Variants in ARB2A observed in about 807,000 individuals in gnomAD.
The protein encoded by ARB2A is ARB2 cotranscriptional regulator A, also known as cotranscriptional regulator ARB2A.
At chr5:94,005,266 T>C in the ARB2A span, among the ~76,000 whole-genome samples, 1 of 152,144 alleles carries the variant, frequency 6.6e-6, no homozygotes, top group Non-Finnish European at 1.5e-5. Flanking sequence ...TGCAGTGGCA[T>C]GATCTCAGCT....
the ARB2A span, among the ~76,000 whole-genome samples, chr5:93,728,451 T>A: frequency 1.3e-5 from 2 of 152,086 alleles, no homozygotes; most frequent in Non-Finnish European, 2.9e-5. Flanking sequence ...CTTAAGAGAT[T>A]GTCTTGTGTC....
chr5:93,653,372 C>T, the ARB2A span, among the ~76,000 whole-genome samples: 5 of 150,744 alleles, frequency 3.3e-5, no homozygotes, highest in Admixed American at 6.6e-5. Flanking sequence ...ATTAGCTGGG[C>T]GTGGTAGCGG....
chr5:94,076,288 T>A, the ARB2A span, among the ~76,000 whole-genome samples: 1 of 152,222 alleles, frequency 6.6e-6, no homozygotes, highest in African/African-American at 2.4e-5. Context: ...ATACCTAGAA[T>A]GTAGCTACTT....
At chr5:94,034,962 A>G in the ARB2A span, among the ~76,000 whole-genome samples, 1 of 152,156 alleles carries the variant, frequency 6.6e-6, no homozygotes, top group South Asian at 2.1e-4. Context: ...TCCTTATGAG[A>G]ATCTAACTAA....
the ARB2A span, among the ~76,000 whole-genome samples, chr5:94,097,289 C>G: frequency 6.6e-6 from 1 of 152,182 alleles, no homozygotes; most frequent in East Asian, 1.9e-4. Context: ...GCAGCATAGT[C>G]TCAGATATCC....
chr5:93,854,808 C>G, the ARB2A span, among the ~76,000 whole-genome samples: 1,567 of 152,294 alleles, frequency 0.01, 18 homozygotes, highest in South Asian at 0.031. Context: ...TTTGATTGCA[C>G]TGTGGTCTGA....
the ARB2A span, among the ~76,000 whole-genome samples, chr5:93,937,677 T>C: frequency 6.6e-6 from 1 of 151,562 alleles, no homozygotes; most frequent in African/African-American, 2.4e-5. Context: ...TGTGTGTGTT[T>C]GTGTGTATGC....
At chr5:93,921,613 A>G in the ARB2A span, among the ~76,000 whole-genome samples, 3 of 152,106 alleles carry the variant, frequency 2.0e-5, no homozygotes, top group African/African-American at 7.2e-5. Context: ...CACAAAAGAC[A>G]TTTATTAGTA....
chr5:93,754,491 A>G, the ARB2A span, among the ~76,000 whole-genome samples: 1 of 152,208 alleles, frequency 6.6e-6, no homozygotes, highest in Non-Finnish European at 1.5e-5. Flanking sequence ...CTGAAAGTAC[A>G]TAAGCCTTAG....
At chr5:93,799,852 T>A in the ARB2A span, among the ~76,000 whole-genome samples, 1 of 152,100 alleles carries the variant, frequency 6.6e-6, no homozygotes, top group African/African-American at 2.4e-5. Flanking sequence ...GTTTTTATGA[T>A]GTTATATAGA....
the ARB2A span, among the ~76,000 whole-genome samples, chr5:93,688,097 C>CTG: frequency 9.9e-5 from 15 of 152,100 alleles, no homozygotes; most frequent in Admixed American, 8.5e-4. Flanking sequence ...CCTCAGCCTC[C>CTG]CAAGTAGCTG....
the ARB2A span, chr5:93,682,953 T>C: frequency 6.3e-7 from 1 of 1,582,286 alleles, no homozygotes; most frequent in South Asian, 1.1e-5. Flanking sequence ...GAACCACCTT[T>C]TTCTATACTT....
chr5:94,007,299 A>G, the ARB2A span, among the ~76,000 whole-genome samples: 2 of 152,328 alleles, frequency 1.3e-5, no homozygotes, highest in Middle Eastern at 3.4e-3. Flanking sequence ...AAAGTATAAG[A>G]GGGAAAGAAA....
the ARB2A span, among the ~76,000 whole-genome samples, chr5:94,075,305 G>A: frequency 1.4e-4 from 21 of 151,874 alleles, no homozygotes; most frequent in African/African-American, 5.1e-4. Flanking sequence ...GGAAAAATTA[G>A]CCCTTTTTAA....
chr5:93,629,710 G>A, the ARB2A span, among the ~76,000 whole-genome samples: 3 of 151,928 alleles, frequency 2.0e-5, no homozygotes, highest in Non-Finnish European at 4.4e-5. Context: ...TAAAGAAAAA[G>A]GTAATGAATA....
At chr5:93,710,240 T>A in the ARB2A span, among the ~76,000 whole-genome samples, 15 of 152,328 alleles carry the variant, frequency 9.8e-5, no homozygotes, top group African/African-American at 3.6e-4. Context: ...TTGACCCCTT[T>A]AATAGTTTAA....
the ARB2A span, among the ~76,000 whole-genome samples, chr5:93,822,599 C>G: frequency 6.6e-6 from 1 of 151,602 alleles, no homozygotes; most frequent in Non-Finnish European, 1.5e-5. Flanking sequence ...AAAAAATAAG[C>G]TATATATAAT....
chr5:93,734,090 G>A, the ARB2A span: 1 of 152,134 alleles, frequency 6.6e-6, no homozygotes, highest in African/African-American at 2.4e-5. Flanking sequence ...TGAAATAAGG[G>A]CAGGTATCCA....
chr5:93,771,802 A>G, the ARB2A span, among the ~76,000 whole-genome samples: 2 of 152,198 alleles, frequency 1.3e-5, no homozygotes, highest in African/African-American at 4.8e-5. Flanking sequence ...AAAGTCAGGA[A>G]ACAACAGGTG....
Sources: allele counts gnomAD v4.1 joint callset (sites outside exome capture counted in the v4.1 genomes callset), GRCh38; gene constraint gnomAD v4.1.1; transcripts MANE v1.5; gene names NCBI Gene and HGNC (gene_info 2026-07-23, HGNC 2026-07-21).